TOP2B: variants seen among roughly 807,000 people sequenced by gnomAD.
TOP2B encodes the protein DNA topoisomerase II beta.
TOP2B carries 51 observed loss-of-function variants against 193.5 expected under a neutral mutation model. The ratio of observed to expected loss-of-function variants is 0.26; its 90% CI spans 0.21 to 0.33. The LOEUF is 0.33. Ranked by LOEUF, TOP2B falls within the 10% of genes least tolerant of loss-of-function variation. The probability of loss-of-function intolerance (pLI) is 1.00; values close to 1 mark genes in which losing one functional copy is unlikely to be tolerated. For synonymous variants in TOP2B, 634 were observed against 635.7 expected (o/e 1.00, Z 0.04); for missense variants, 1,378 against 1,909.3 (o/e 0.72, Z 5.19).
chr3:25,600,963 A>T, intron 34 of TOP2B, 137 bp downstream of exon 34: 1 of 829,246 alleles, frequency 1.2e-6, no homozygotes, highest in Non-Finnish European at 1.8e-6. Flanking sequence ...ACTGATTCCT[A>T]GACACACTGC....
chr3:25,638,064 A>T, intron 5 of TOP2B, 101 bp downstream of exon 5: 1 of 1,073,876 alleles, frequency 9.3e-7, no homozygotes, highest in Non-Finnish European at 1.3e-6. Flanking sequence ...TAATTCTGAC[A>T]ATGATTTTCT....
intron 1 of TOP2B, among the ~76,000 whole-genome samples, chr3:25,650,581 T>G (rs904108825): frequency 6.6e-6 from 1 of 152,248 alleles, no homozygotes; most frequent in African/African-American, 2.4e-5. Flanking sequence ...TTGGCACTCA[T>G]TGAATGGAAA....
At chr3:25,655,764 CA>C (rs1703725462) in intron 1 of TOP2B, among the ~76,000 whole-genome samples, 1 of 152,030 alleles carries the variant, frequency 6.6e-6, no homozygotes, top group South Asian at 2.1e-4. Context: ...TTATGCTAAA[CA>C]AAATAAGCCA....
At chr3:25,658,016 C>G (rs1703799003) in intron 1 of TOP2B, among the ~76,000 whole-genome samples, 6 of 119,038 alleles carry the variant, frequency 5.0e-5, no homozygotes, top group African/African-American at 2.4e-4. Context: ...AGCCGAGATC[C>G]CGCCACTGCA....
intron 1 of TOP2B, among the ~76,000 whole-genome samples, chr3:25,657,361 A>AT (rs1703776094): frequency 6.6e-6 from 1 of 152,198 alleles, no homozygotes; most frequent in African/African-American, 2.4e-5. Flanking sequence ...CTTTGGCCTT[A>AT]GAAGAGAGAA....
At chr3:25,648,548 C>A (rs146864601) in intron 1 of TOP2B, among the ~76,000 whole-genome samples, 7 of 152,266 alleles carry the variant, frequency 4.6e-5, no homozygotes, top group Non-Finnish European at 8.8e-5. Flanking sequence ...GGAAATACAG[C>A]CGATTCAATG....
In TOP2B at chr3:25,612,640, C is replaced by G. The variant is rs757532708; in HGVS notation, c.3661G>C (p.Gly1221Arg). The change falls in exon 28 of 36, where the codon GGC becomes CGC. Residue 1221 changes from glycine to arginine, a missense_variant. By Grantham distance (125) the Gly-to-Arg change is moderately radical. Transcript: ENST00000264331. ...TGGAGTTTCTTCACCTTAGGTTTGC[C>G]AACTTTACCTTTAATTGCTTTTCCA... is the stretch of plus-strand genomic sequence containing the variant. ...MSGKAIKGKV[G>R]KPKVKKLQLE... 1 of 1,613,658 alleles carries G rather than the reference C, an allele frequency of 6.2e-7. No homozygotes were observed.
intron 1 of TOP2B, among the ~76,000 whole-genome samples, chr3:25,655,612 C>T (rs1220867817): frequency 1.3e-5 from 2 of 152,086 alleles, no homozygotes; most frequent in Non-Finnish European, 2.9e-5. Flanking sequence ...TTCATAATAG[C>T]CAAAAGGCGA....
At chr3:25,660,998 A>ATT (rs11460770) in intron 1 of TOP2B, among the ~76,000 whole-genome samples, 1,525 of 131,434 alleles carry the variant, frequency 0.012, 48 homozygotes, top group African/African-American at 0.037. Flanking sequence ...TCTTAGGTTG[A>ATT]TTTTTTTTTT....
chr3:25,640,936 T>TTTTGTTTG (rs887764022), intron 4 of TOP2B, among the ~76,000 whole-genome samples: 1 of 151,656 alleles, frequency 6.6e-6, no homozygotes, highest in African/African-American at 2.4e-5. Context: ...ATTTTGGTGT[T>TTTTGTTTG]TTTGTTTGTT....
intron 11 of TOP2B, 114 bp downstream of exon 11, chr3:25,630,687 A>G: frequency 9.1e-7 from 1 of 1,099,534 alleles, no homozygotes; most frequent in South Asian, 2.1e-5. Flanking sequence ...ATGAAGTAAA[A>G]TCATACTCTG....
At position 25,664,285 on chromosome 3, in the gene TOP2B, C is replaced by G; in HGVS notation, c.13G>C (p.Gly5Arg). 6.5e-7 allele frequency: 1 copy of G among 1,534,392 alleles called. No individual in the cohort carries two copies. ...ACGCCGGCTCCCGCGCCGCAGCCAC[C>G]CGACTTGGCCATGGCGAGTGCCTCC... MAKS[G>R]GCGAGAGVGG... Residue 5 changes from glycine to arginine, a missense_variant, in exon 1 of 36, where the codon GGT becomes CGT. Around this residue, in one of 9 missense-constraint regions of TOP2B, gnomAD observed 83 missense variants for 59.3 expected, o/e 1.40. Transcript: ENST00000264331.
Position 25,619,981 on chromosome 3 carries a change from G to A in TOP2B, c.2944C>T (p.His982Tyr). 1 of 1,608,282 alleles carries A rather than the reference G, an allele frequency of 6.2e-7. No individual in the cohort carries two copies. Among genetic ancestry groups the A allele is most frequent in the Non-Finnish European group, 8.5e-7 (1 of 1,176,058 alleles). The change falls in exon 23 of 36, where the codon CAT (histidine) becomes TAT (tyrosine). Residue 982 changes from histidine (H) to tyrosine (Y), a missense_variant. Physicochemically the swap from His to Tyr is moderately conservative, Grantham distance 83 (BLOSUM62 2). Around this residue, in one of 9 missense-constraint regions of TOP2B, gnomAD observed 379 missense variants for 615.1 expected, o/e 0.62. Transcript: ENST00000264331. Reference protein sequence around the residue: ...PALISDYKEYHTDTTVKFVVK... With the variant: ...PALISDYKEYYTDTTVKFVVK... Reference sequence around the variant, plus strand: ...ACAAATTTCACAGTTGTGTCAGTATGATATTCTTTATAATCAGAAATTAAT... The same window carrying A: ...ACAAATTTCACAGTTGTGTCAGTATAATATTCTTTATAATCAGAAATTAAT...
At position 25,604,699 on chromosome 3, in the gene TOP2B, A is replaced by ATTTCC. The variant is rs1702191734; in HGVS notation, c.4489+56_4489+60dup. ...TGCAAATAGTTTCAAATTAAATTAC[A>ATTTCC]TTTCCTTTTACATTAACTATCTCTA... On this transcript the variant is annotated intron_variant, in intron 33 of 35. Coordinates refer to ENST00000264331, the MANE Select transcript of TOP2B (RefSeq NM_001330700.2). The ATTTCC allele has an allele frequency of 6.9e-6, 9 of 1,311,456 alleles. No individual in the cohort carries two copies. In the South Asian group the frequency reaches 7.8e-5, roughly 11 times the overall value. 81.2% of individuals were successfully genotyped at this position (1,311,456 alleles called of 1,614,324 possible).
chr3:25,627,273 C>A lies in TOP2B; in HGVS notation c.1930G>T (p.Glu644Ter). 1 of 1,607,656 alleles carries A rather than the reference C, an allele frequency of 6.2e-7. No individual in the cohort carries two copies. Among genetic ancestry groups the A allele is most frequent in the Admixed American group, 1.7e-5 (1 of 58,398 alleles). The change falls in exon 16 of 36, where the codon GAA becomes TAA. Residue 644 changes from glutamate (E) to a stop codon, truncating the protein, a stop_gained. Transcript: ENST00000264331. LOFTEE classifies it high-confidence loss of function. ...ATATCAGCAAAATATTCCTTTGCTT[C>A]TTTAGCTGTACTAGTACCCAATCCT... ...YKGLGTSTAK[E>*]AKEYFADMER... is the part of the protein sequence containing the mutation.
chr3:25,618,369 A>C (rs376493751), intron 25 of TOP2B, 49 bp downstream of exon 25: 5 of 1,395,808 alleles, frequency 3.6e-6, no homozygotes, highest in African/African-American at 1.4e-5. Context: ...TTTGTTTTGG[A>C]AGTTGCTTTT....
In TOP2B at chr3:25,609,630, G is replaced by C. The variant is rs1702319928; in HGVS notation, c.3869C>G (p.Ala1290Gly). 6.3e-7 allele frequency: 1 copy of C among 1,585,932 alleles called. No individual in the cohort carries two copies. Among genetic ancestry groups the C allele is most frequent in the South Asian group, 1.2e-5 (1 of 85,612 alleles). ...GAPVEGAGEE[A>G]LTPSVPINKG... ...ATTTATAGGAACTGATGGAGTCAAT[G>C]CCTCTTCTCCTGCACCTTCTACTGG... The change falls in exon 29 of 36, where the codon GCA becomes GGA. Residue 1290 changes from alanine (A) to glycine (G), a missense_variant. Ala to Gly is a moderately conservative substitution (Grantham distance 60, BLOSUM62 0). Around this residue, in one of 9 missense-constraint regions of TOP2B, gnomAD observed 556 missense variants for 584.2 expected, o/e 0.95. Coordinates refer to ENST00000264331, the MANE Select transcript of TOP2B (RefSeq NM_001330700.2).
Position 25,618,760 on chromosome 3 carries a change from G to GT in TOP2B, c.3152dup (p.Tyr1051Ter). ...KEFFDLRLSYYGLRKEWLVGM... is the reference protein window; with the variant it reads ...KEFFDLRLSY Reference sequence around the variant, plus strand: ...CCACAAGCCACTCCTTACGTAAACCGTAATAACTTAATCGTAAATCAAAGA... The same window carrying GT: ...CCACAAGCCACTCCTTACGTAAACCGTTAATAACTTAATCGTAAATCAAAGA... The change falls in exon 24 of 36, where the codon TAC (tyrosine) becomes TAAC (stop). Residue 1051 changes from tyrosine to a stop codon, truncating the protein, a stop_gained and frameshift_variant. Transcript: ENST00000264331. LOFTEE classifies it high-confidence loss of function. 6.2e-7 allele frequency: 1 copy of GT among 1,613,156 alleles called. No individual in the cohort carries two copies. Among genetic ancestry groups the GT allele is most frequent in the Non-Finnish European group, 8.5e-7 (1 of 1,179,496 alleles).
chr3:25,642,446 C>A (rs1414889245), intron 3 of TOP2B, 61 bp from the exon 4 acceptor site: 2 of 1,043,014 alleles, frequency 1.9e-6, no homozygotes, highest in African/African-American at 1.6e-5. Context: ...TACATGGACA[C>A]AACTGTATGT....
Sources: gnomAD v4.1 joint callset for allele counts (sites outside exome capture counted in the v4.1 genomes callset) on GRCh38, gnomAD v4.1.1 for gene constraint, gnomAD v4.1.1 regional missense constraint, MANE v1.5 for transcripts, NCBI Gene and HGNC (gene_info 2026-07-23, HGNC 2026-07-21) for gene names.